Variants in BCL3 observed in about 807,000 individuals in gnomAD.
BCL3 encodes BCL3 transcription coactivator.
In BCL3, 15 loss-of-function variants were observed where a neutral mutation model predicts 35.7. The observed-to-expected ratio is 0.42, with a 90% CI of 0.28 to 0.65. The LOEUF is 0.65. Among genes scored for constraint, BCL3 ranks in the 30% least tolerant of loss-of-function variants. The pLI is 0.22. For missense variants in BCL3, 565 were observed against 641.7 expected (o/e 0.88, Z 1.29); for synonymous variants, 311 against 284.3 (o/e 1.09, Z -0.95).
chr19:44,751,323 A>G lies in BCL3; in HGVS notation c.353A>G (p.Glu118Gly), dbSNP rs1207907366. 3 of 1,606,156 alleles carry G rather than the reference A, an allele frequency of 1.9e-6. No homozygotes were observed. The highest frequency in any genetic ancestry group is 2.5e-6 in the Non-Finnish European group (3 of 1,177,538). ...TPLYPMMCPM[E>G]HPLSADIAMA... ...CTATACCCCATGATGTGCCCCATGGAACACCCCCTTTCTGCTGACATCGCC... is the reference window on the plus strand; with the variant it reads ...CTATACCCCATGATGTGCCCCATGGGACACCCCCTTTCTGCTGACATCGCC... Residue 118 changes from glutamate (E) to glycine (G), a missense_variant, in exon 2 of 9, where the codon GAA becomes GGA. By Grantham distance (98) the Glu-to-Gly change is moderately conservative. Around this residue, in one of 5 missense-constraint regions of BCL3, gnomAD observed 267 missense variants for 281.5 expected, o/e 0.95. Transcript: ENST00000164227.
At position 44,757,470 on chromosome 19, in the gene BCL3, T is replaced by TGGCGGG; in HGVS notation, c.813+63_813+68dup. The TGGCGGG allele has an allele frequency of 3.7e-6, 1 of 267,810 alleles. No homozygotes were observed. Among genetic ancestry groups the TGGCGGG allele is most frequent in the Non-Finnish European group, 5.9e-6 (1 of 169,250 alleles). 16.6% of individuals were successfully genotyped at this position (267,810 alleles called of 1,614,324 possible). Reference sequence around the variant, plus strand: ...CGGGGCCTTAGCAGGGGCGGGGTCTTGGCGGGGGCGGGGCCAGTGTGGGGC... The same window carrying TGGCGGG: ...CGGGGCCTTAGCAGGGGCGGGGTCTTGGCGGGGGCGGGGGCGGGGCCAGTGTGGGGC... On this transcript the variant is annotated intron_variant, in intron 5 of 8. Transcript: ENST00000164227. The surrounding 1 kb of genome is among the most constrained non-coding windows in gnomAD (Gnocchi z 8.4).
chr19:44,756,554 T>G (rs1967289050), intron 3 of BCL3, among the ~76,000 whole-genome samples: 1 of 118,750 alleles, frequency 8.4e-6, no homozygotes, highest in Non-Finnish European at 1.7e-5. Flanking sequence ...GGCTGGGTCC[T>G]GGGCTCCTGA....
chr19:44,747,805 T>A (rs1199235430), upstream of BCL3: 1 of 1,089,742 alleles, frequency 9.2e-7, no homozygotes, highest in African/African-American at 1.6e-5. Context: ...TCTCTGCGCC[T>A]GTCTCCATGT....
chr19:44,756,700 T>C (rs568958287), intron 3 of BCL3, among the ~76,000 whole-genome samples: 1 of 148,562 alleles, frequency 6.7e-6, no homozygotes, highest in Non-Finnish European at 1.5e-5. Flanking sequence ...TCCTGGTTCC[T>C]GGGGAAGAAG....
chr19:44,757,770 C>T lies in BCL3; in HGVS notation c.891+47C>T, dbSNP rs1305821349. On this transcript the variant is annotated intron_variant, in intron 6 of 8. Coordinates refer to ENST00000164227, the MANE Select transcript of BCL3 (RefSeq NM_005178.5). This position sits in a 1 kb window ranked among gnomAD's most constrained non-coding sequence, Gnocchi z 8.4. Reference sequence around the variant, plus strand: ...CTCGCGCCCACCCTATCCTCTGACCCCAACCCGGCTCTGGCCTCAGCCCCT... The same window carrying T: ...CTCGCGCCCACCCTATCCTCTGACCTCAACCCGGCTCTGGCCTCAGCCCCT... The T allele has an allele frequency of 6.3e-7, 1 of 1,580,574 alleles. No homozygotes were observed. Among genetic ancestry groups the T allele is most frequent in the Non-Finnish European group, 8.7e-7 (1 of 1,152,556 alleles).
chr19:44,757,600 C>T lies in BCL3; in HGVS notation c.814-46C>T, dbSNP rs1314375245. Reference sequence around the variant, plus strand: ...TGGACGGGATGCGGGTCGCCGGCTGCTGGAGCAGAGCTTGGAGAAACTAAG... The same window carrying T: ...TGGACGGGATGCGGGTCGCCGGCTGTTGGAGCAGAGCTTGGAGAAACTAAG... On this transcript the variant is annotated intron_variant, in intron 5 of 8. Transcript: ENST00000164227. The surrounding 1 kb of genome is among the most constrained non-coding windows in gnomAD (Gnocchi z 8.4). 1 of 1,604,140 alleles carries T rather than the reference C, an allele frequency of 6.2e-7. No homozygotes were observed. The highest frequency in any genetic ancestry group is 1.7e-5 in the Admixed American group (1 of 59,716).
At chr19:44,758,539 C>T (rs1463664148) in intron 7 of BCL3, 126 bp downstream of exon 7, 3 of 1,360,608 alleles carry the variant, frequency 2.2e-6, no homozygotes, top group Non-Finnish European at 1.0e-6. Flanking sequence ...AGTGGGTGAG[C>T]CTCTGAAAGC....
chr19:44,758,516 T>G (rs1446179097), intron 7 of BCL3, 103 bp downstream of exon 7: 1 of 1,445,748 alleles, frequency 6.9e-7, no homozygotes, highest in East Asian at 2.5e-5. Flanking sequence ...GTCTGTGCCG[T>G]TGCGTGGAGG....
intron 2 of BCL3, among the ~76,000 whole-genome samples, chr19:44,754,731 T>A (rs1184137594): frequency 2.0e-5 from 3 of 152,152 alleles, no homozygotes; most frequent in African/African-American, 7.2e-5. Flanking sequence ...CCCCGGCCCC[T>A]CCCTCAACAT....
At chr19:44,758,599 T>C (rs1264756425) in intron 7 of BCL3, 125 bp from the exon 8 acceptor site, 1 of 1,251,522 alleles carries the variant, frequency 8.0e-7, no homozygotes, top group Admixed American at 2.2e-5. Flanking sequence ...AGAAAAAAAG[T>C]GCCTTGCCCA....
In BCL3 at chr19:44,756,259, TA is replaced by T; in HGVS notation, c.440del (p.Asn147ThrfsTer34). 1 of 1,548,124 alleles carries T rather than the reference TA, an allele frequency of 6.5e-7. No individual in the cohort carries two copies. ...TPLHIAVVQG[N>X]LPAVHRLVNL... is the part of the protein sequence containing the mutation. ...CTCTCCATATTGCTGTGGTGCAGGG[TA>T]ACCTGCCAGCTGTGCACCGGCTGGT... On this transcript the variant is annotated frameshift_variant, in exon 3 of 9. Coordinates refer to ENST00000164227, the MANE Select transcript of BCL3 (RefSeq NM_005178.5). LOFTEE classifies it high-confidence loss of function.
intron 2 of BCL3, among the ~76,000 whole-genome samples, chr19:44,754,026 G>T (rs1265886261): frequency 6.6e-6 from 1 of 152,186 alleles, no homozygotes; most frequent in Non-Finnish European, 1.5e-5. Flanking sequence ...GCAGCAGGAC[G>T]TTGGGCTGGT....
In BCL3 at chr19:44,751,398, A is replaced by G. The variant is rs772870500; in HGVS notation, c.410+18A>G. 1.2e-5 allele frequency: 18 copies of G among 1,547,696 alleles called. 1 individual carries two copies. The South Asian group carries it at 2.2e-4, about 19-fold the overall frequency. ...GGAGACACGTGAGTGACAGTCCCCT[A>G]TTAAGGGGAGGGGTGGTTGGGAAGA... On this transcript the variant is annotated intron_variant, in intron 2 of 8. Coordinates refer to ENST00000164227, the MANE Select transcript of BCL3 (RefSeq NM_005178.5).
Position 44,757,549 on chromosome 19 carries a change from A to G in BCL3, c.814-97A>G. 6.5e-7 allele frequency: 1 copy of G among 1,535,952 alleles called. No homozygotes were observed. The highest frequency in any genetic ancestry group is 1.1e-5 in the South Asian group (1 of 87,346). On this transcript the variant is annotated intron_variant, in intron 5 of 8. Coordinates refer to ENST00000164227, the MANE Select transcript of BCL3 (RefSeq NM_005178.5). The surrounding 1 kb of genome is among the most constrained non-coding windows in gnomAD (Gnocchi z 8.4). ...GGGCTTGGAGTATCAGACCCAAGAG[A>G]GAGGCTGGACCCCGCGAATGGGATG... is the stretch of plus-strand genomic sequence containing the variant.
At position 44,757,837 on chromosome 19, in the gene BCL3, C is replaced by A; in HGVS notation, c.891+114C>A. The A allele has an allele frequency of 2.0e-6, 2 of 1,016,454 alleles. No individual in the cohort carries two copies. The highest frequency in any genetic ancestry group is 1.5e-6 in the Non-Finnish European group (1 of 674,774). 63.0% of individuals were successfully genotyped at this position (1,016,454 alleles called of 1,614,324 possible). A position where few individuals can be genotyped will look rare whatever the true frequency, so the allele number is the denominator to read the frequency against. The stretch of plus-strand genomic sequence containing the variant: ...TCCACTTCTGGCTCCGGCTCCTGCT[C>A]CGCGTCCAGCTCTGATCCTTTAAGG... On this transcript the variant is annotated intron_variant, in intron 6 of 8. Coordinates refer to ENST00000164227, the MANE Select transcript of BCL3 (RefSeq NM_005178.5). This position sits in a 1 kb window ranked among gnomAD's most constrained non-coding sequence, Gnocchi z 8.4.
chr19:44,748,912 C>A lies in BCL3; in HGVS notation c.122C>A (p.Ser41Tyr). ...PLRKRPLRAP[S>Y]PEPAAPRGAA... The stretch of plus-strand genomic sequence containing the variant: ...CGCAAGCGCCCGCTGCGCGCGCCCT[C>A]CCCGGAGCCCGCCGCTCCCCGCGGC... The change falls in exon 1 of 9, where the codon TCC (serine) becomes TAC (tyrosine). Residue 41 changes from serine to tyrosine, a missense_variant. Ser to Tyr is a moderately radical substitution (Grantham distance 144). Coordinates refer to ENST00000164227, the MANE Select transcript of BCL3 (RefSeq NM_005178.5). The A allele has an allele frequency of 8.6e-7, 1 of 1,157,754 alleles. No homozygotes were observed. Among genetic ancestry groups the A allele is most frequent in the Non-Finnish European group, 1.1e-6 (1 of 941,962 alleles). The allele number at this position is 1,157,754 out of a possible 1,614,324, so 71.7% of individuals were successfully genotyped here.
chr19:44,756,184 G>A lies in BCL3; in HGVS notation c.411-48G>A, dbSNP rs756240302. The stretch of plus-strand genomic sequence containing the variant: ...CATTGCCAACAGCATGAGGGTGAGA[G>A]GTGAACAACCCCTAATGCCTGTGAT... On this transcript the variant is annotated intron_variant, in intron 2 of 8. Transcript: ENST00000164227. 1.5e-5 allele frequency: 19 copies of A among 1,292,572 alleles called. No individual in the cohort carries two copies. In the East Asian group the frequency reaches 4.5e-4, roughly 31 times the overall value. The allele number at this position is 1,292,572 out of a possible 1,614,324, so 80.1% of individuals were successfully genotyped here. A position where few individuals can be genotyped will look rare whatever the true frequency, so the allele number is the denominator to read the frequency against.
intron 1 of BCL3, among the ~76,000 whole-genome samples, 165 bp downstream of exon 1, chr19:44,749,211 G>C (rs918971545): frequency 2.0e-5 from 3 of 151,684 alleles, no homozygotes; most frequent in African/African-American, 4.8e-5. Flanking sequence ...GATCATCGGG[G>C]AGCCAGTAAG....
chr19:44,759,367 G>A lies in BCL3; in HGVS notation c.1178-61G>A, dbSNP rs559158090. The A allele has an allele frequency of 7.2e-5, 73 of 1,008,828 alleles. 1 individual carries two copies. In the East Asian group the frequency reaches 3.2e-3, roughly 45 times the overall value. 62.5% of individuals were successfully genotyped at this position (1,008,828 alleles called of 1,614,324 possible). A position where few individuals can be genotyped will look rare whatever the true frequency, so the allele number is the denominator to read the frequency against. On this transcript the variant is annotated intron_variant, in intron 8 of 8. Coordinates refer to ENST00000164227, the MANE Select transcript of BCL3 (RefSeq NM_005178.5). ...CCTCAGACCCAGATCTCAGGCCCCAGCCCCTGCTCTCTGGGTCTAGCCTCT... is the reference window on the plus strand; with the variant it reads ...CCTCAGACCCAGATCTCAGGCCCCAACCCCTGCTCTCTGGGTCTAGCCTCT...
Sources: allele counts gnomAD v4.1 joint callset (sites outside exome capture counted in the v4.1 genomes callset), GRCh38; gene constraint gnomAD v4.1.1; regional missense constraint gnomAD v4.1.1; non-coding constraint Gnocchi (gnomAD v3.1); transcripts MANE v1.5; gene names NCBI Gene and HGNC (gene_info 2026-07-23, HGNC 2026-07-21).